The following ZNF254 variants were observed in gnomAD, a reference collection of about 807,000 sequenced individuals.
ZNF254 encodes the protein CTD-2017D11.1.
In ZNF254, 10 loss-of-function variants were observed where a neutral mutation model predicts 12.4. The ratio of observed to expected loss-of-function variants is 0.80; its 90% confidence interval spans 0.50 to 1.36. The LOEUF is 1.36. ZNF254 is among the 40% of genes most tolerant of loss of function. The probability of loss-of-function intolerance (pLI) is 0.00; values close to 1 mark genes in which losing one functional copy is unlikely to be tolerated. For synonymous variants in ZNF254, 305 were observed against 253.4 expected (o/e 1.20, Z -1.93); for missense variants, 996 against 763.9 (o/e 1.30, Z -3.58).
upstream of ZNF254, among the ~76,000 whole-genome samples, chr19:24,084,145 TTA>T (rs918378650): frequency 2.7e-5 from 4 of 147,764 alleles, no homozygotes; most frequent in Non-Finnish European, 6.0e-5. Flanking sequence ...CACATTTTCT[TTA>T]TATATATATA....
At chr19:24,121,613 A>G (rs957533958) in intron 3 of ZNF254, among the ~76,000 whole-genome samples, 2 of 152,018 alleles carry the variant, frequency 1.3e-5, no homozygotes, top group Admixed American at 6.6e-5. Context: ...GCTGGAGTGC[A>G]GTGGCACGAT....
chr19:24,120,914 T>A (rs2145955691), intron 3 of ZNF254, among the ~76,000 whole-genome samples: 1 of 151,936 alleles, frequency 6.6e-6, no homozygotes, highest in Admixed American at 6.6e-5. Context: ...CTCCCGTTTC[T>A]TTTTTTTATA....
chr19:24,127,887 C>G lies in ZNF254; in HGVS notation c.1887C>G (p.Pro629=). ...KHKRIHTGEQ[P]YKWEKFGKAF... ...AGAGAATTCATACTGGAGAGCAACC[C>G]TACAAATGGGAAAAATTTGGCAAAG... Residue 629 remains proline (P), a synonymous_variant, in exon 4 of 4, where the codon CCC becomes CCG. Coordinates refer to ENST00000357002, the MANE Select transcript of ZNF254 (RefSeq NM_203282.4). 6.2e-7 allele frequency: 1 copy of G among 1,612,690 alleles called. No homozygotes were observed. Among genetic ancestry groups the G allele is most frequent in the African/African-American group, 1.3e-5 (1 of 74,934 alleles).
chr19:24,094,931 C>A (rs904682992), intron 1 of ZNF254, among the ~76,000 whole-genome samples: 6 of 152,194 alleles, frequency 3.9e-5, no homozygotes, highest in Non-Finnish European at 1.5e-5. Flanking sequence ...AGGGGATCCA[C>A]CTGCCTTGGC....
chr19:24,100,805 A>G (rs1599709503), intron 1 of ZNF254, among the ~76,000 whole-genome samples: 1 of 145,346 alleles, frequency 6.9e-6, no homozygotes, highest in Non-Finnish European at 1.5e-5. Context: ...TAAACTGTCT[A>G]CTTATATTCA....
chr19:24,113,934 C>T (rs957686106), intron 3 of ZNF254, among the ~76,000 whole-genome samples: 12 of 152,182 alleles, frequency 7.9e-5, no homozygotes, highest in African/African-American at 1.4e-4. Flanking sequence ...ATAATTGCTT[C>T]GAAGAGAATA....
At chr19:24,061,722 G>T (rs1057052426) in intron 2 of ZNF254, among the ~76,000 whole-genome samples, 1 of 152,130 alleles carries the variant, frequency 6.6e-6, no homozygotes, top group Non-Finnish European at 1.5e-5. Flanking sequence ...AGGTTTGATG[G>T]TGACTCTAAT....
At chr19:24,096,634 G>T (rs954764981) in intron 1 of ZNF254, among the ~76,000 whole-genome samples, 5 of 152,124 alleles carry the variant, frequency 3.3e-5, no homozygotes, top group African/African-American at 4.8e-5. Context: ...TGTATGTTAT[G>T]TTATTTTTAG....
chr19:24,101,383 T>C (rs935339601), intron 1 of ZNF254, among the ~76,000 whole-genome samples: 1 of 152,182 alleles, frequency 6.6e-6, no homozygotes, highest in Non-Finnish European at 1.5e-5. Context: ...GATGTCAACA[T>C]AGACATTTTA....
At chr19:24,096,557 T>A (rs1972684703) in intron 1 of ZNF254, among the ~76,000 whole-genome samples, 1 of 152,210 alleles carries the variant, frequency 6.6e-6, no homozygotes, top group South Asian at 2.1e-4. Context: ...TTGAATTTGC[T>A]GAGGATTATT....
chr19:24,053,805 C>A (rs562802658), intron 2 of ZNF254, among the ~76,000 whole-genome samples: 1 of 152,162 alleles, frequency 6.6e-6, no homozygotes, highest in African/African-American at 2.4e-5. Flanking sequence ...TAACTCTTTT[C>A]TATCTGGGCC....
At chr19:24,114,249 G>A (rs1201571573) in intron 3 of ZNF254, among the ~76,000 whole-genome samples, 1 of 151,782 alleles carries the variant, frequency 6.6e-6, no homozygotes, top group African/African-American at 2.4e-5. Flanking sequence ...AACAAAGCTG[G>A]AGGCATCATG....
At chr19:24,079,492 A>G (rs1221436213) in intron 2 of ZNF254, 1 of 152,280 alleles carries the variant, frequency 6.6e-6, no homozygotes, top group Non-Finnish European at 1.5e-5. Flanking sequence ...CAGAGGTTGC[A>G]AATGGGGAAG....
chr19:24,096,729 G>T (rs1457105360), intron 1 of ZNF254, among the ~76,000 whole-genome samples: 1 of 152,158 alleles, frequency 6.6e-6, no homozygotes, highest in African/African-American at 2.4e-5. Context: ...GGCTTCTTCA[G>T]TTATCTGTTT....
rs147996826 is a variant in ZNF254, at chr19:24,040,066, A to G, written c.-189-6118A>G. Among the ~76,000 whole-genome samples the G allele has an allele frequency of 6.4e-3, 974 of 152,278 alleles. 5 individuals carry two copies. Among genetic ancestry groups the G allele is most frequent in the Non-Finnish European group, 0.011 (731 of 68,032 alleles). ...CCAGCTTAGAAAAGATAGAACACAA[A>G]ATAAGCCAGCAGCACAGAGAAGAGA... On this transcript the variant is annotated intron_variant, in intron 1 of 4. Coordinates refer to the ZNF254 transcript ENST00000613065.
intron 3 of ZNF254, among the ~76,000 whole-genome samples, chr19:24,110,970 A>G (rs1188295436): frequency 6.6e-6 from 1 of 151,918 alleles, no homozygotes; most frequent in Non-Finnish European, 1.5e-5. Flanking sequence ...ATATTATTAT[A>G]CTACAAGTTT....
intron 2 of ZNF254, among the ~76,000 whole-genome samples, chr19:24,046,808 T>C (rs62113747): frequency 0.16 from 24,163 of 151,808 alleles, 2,097 homozygotes; most frequent in Middle Eastern, 0.23. Context: ...CCAGTGCTGA[T>C]TTCTTCTCTG....
In ZNF254 at chr19:24,127,228, G is replaced by T. The variant is rs995477399; in HGVS notation, c.1228G>T (p.Glu410Ter). 6.2e-7 allele frequency: 1 copy of T among 1,613,042 alleles called. No individual in the cohort carries two copies. Among genetic ancestry groups the T allele is most frequent in the African/African-American group, 1.3e-5 (1 of 74,916 alleles). Residue 410 changes from glutamate (E) to a stop codon, truncating the protein, a stop_gained, in exon 4 of 4, where the codon GAA (glutamate) becomes TAA (stop). Coordinates refer to ENST00000357002, the MANE Select transcript of ZNF254 (RefSeq NM_203282.4). LOFTEE classifies it low-confidence loss of function (END_TRUNC). ...TGGAGAGAAACTCTACAAATGTGAA[G>T]AATGCGGCAAAGGTTTTAATCGATC... ...HVGEKLYKCE[E>*]CGKGFNRSSN...
chr19:24,063,776 T>C (rs1261228856), intron 2 of ZNF254: 6 of 149,704 alleles, frequency 4.0e-5, no homozygotes, highest in Non-Finnish European at 8.9e-5. Flanking sequence ...ACTAAGGTGA[T>C]GTTACTTTTT....
Sources: allele counts gnomAD v4.1 joint callset (sites outside exome capture counted in the v4.1 genomes callset), GRCh38; gene constraint gnomAD v4.1.1; transcripts MANE v1.5; gene names NCBI Gene and HGNC (gene_info 2026-07-23, HGNC 2026-07-21).